Variants in MYNN observed in about 807,000 individuals in gnomAD.
MYNN encodes the protein myoneurin, also known as zinc finger and BTB domain-containing protein 31.
MYNN carries 22 observed loss-of-function variants against 57.2 expected under a neutral mutation model. The ratio of observed to expected loss-of-function variants is 0.38; its 90% CI spans 0.27 to 0.55. MYNN has a LOEUF of 0.55. MYNN is among the 20% of genes least tolerant of loss of function. The pLI is 0.71. For missense variants in MYNN, 566 were observed against 723.1 expected (o/e 0.78, Z 2.49); for synonymous variants, 241 against 257.1 (o/e 0.94, Z 0.60).
intron 1 of MYNN, chr3:169,773,973 T>G (rs1344503138): frequency 1.7e-5 from 5 of 302,462 alleles, no homozygotes; most frequent in Non-Finnish European, 6.2e-6. Flanking sequence ...CTACTGAGCT[T>G]GAAAATCTGA....
chr3:169,785,074 G>T (rs1015874319), intron 7 of MYNN, among the ~76,000 whole-genome samples: 1 of 147,348 alleles, frequency 6.8e-6, no homozygotes, highest in Non-Finnish European at 1.5e-5. Context: ...AAAAAAAGGG[G>T]GGGGGGGTGG....
intron 4 of MYNN, among the ~76,000 whole-genome samples, chr3:169,781,178 T>A (rs1225866796): frequency 6.6e-6 from 1 of 152,142 alleles, no homozygotes; most frequent in Non-Finnish European, 1.5e-5. Flanking sequence ...GCAAACAGAT[T>A]GTATGTGAAG....
At chr3:169,774,156 G>A in intron 1 of MYNN, 109 bp from the exon 2 acceptor site, 1 of 791,160 alleles carries the variant, frequency 1.3e-6, no homozygotes, top group Non-Finnish European at 2.0e-6. Context: ...GTTTGATAAG[G>A]ATTTTCAAGG....
chr3:169,774,264 G>T lies in MYNN; in HGVS notation c.-31-1G>T. The T allele has an allele frequency of 6.2e-7, 1 of 1,603,594 alleles. No homozygotes were observed. The highest frequency in any genetic ancestry group is 2.2e-5 in the East Asian group (1 of 44,694). On this transcript the variant is annotated splice_acceptor_variant, in intron 1 of 7. Coordinates refer to ENST00000349841, the MANE Select transcript of MYNN (RefSeq NM_018657.5). LOFTEE classifies it low-confidence loss of function (5UTR_SPLICE). ...ATTTACTGTTTCTTTTTGTCTTTTA[G>T]ATCAAGGGTAAAATTCCATTCTGAT...
At position 169,778,707 on chromosome 3, in the gene MYNN, G is replaced by A. The variant is rs183628043; in HGVS notation, c.267-61G>A. On this transcript the variant is annotated intron_variant, in intron 2 of 7. Transcript: ENST00000349841. The stretch of plus-strand genomic sequence containing the variant: ...TAAAATACATTGAAGTATATATGCA[G>A]CTCTGTTTCGAAAGTTTTTCTTTGA... 3.0e-6 allele frequency: 4 copies of A among 1,347,166 alleles called. No individual in the cohort carries two copies. The Admixed American group carries it at 9.0e-5, about 30-fold the overall frequency. The allele number at this position is 1,347,166 out of a possible 1,614,324, so 83.5% of individuals were successfully genotyped here.
rs558760058 is a variant in MYNN at position 169,789,160 on chromosome 3, T to A, written c.*2482T>A. On this transcript the variant is annotated 3_prime_UTR_variant, in exon 8 of 8. Coordinates refer to ENST00000349841, the MANE Select transcript of MYNN (RefSeq NM_018657.5). The stretch of plus-strand genomic sequence containing the variant: ...AAAGAAACCGTAGATTATATAAAAA[T>A]TTTTTTGCTGTTTTTAAATGGCATT... 91 of 152,282 alleles carry A rather than the reference T, an allele frequency of 6.0e-4. 1 individual carries two copies. Among genetic ancestry groups the A allele is most frequent in the African/African-American group, 2.1e-3 (86 of 41,570 alleles). 9.4% of individuals were successfully genotyped at this position (152,282 alleles called of 1,614,324 possible).
In MYNN at chr3:169,784,701, C is replaced by T; in HGVS notation, c.1563C>T (p.Val521=). The change falls in exon 7 of 8, where the codon GTC becomes GTT. Residue 521 remains valine, a synonymous_variant. Transcript: ENST00000349841. ...IKNLKKHKTK[V]HSGADKTLDS... is the part of the protein sequence containing the mutation. ...ATTTAAAGAAGCACAAAACAAAAGTCCATTCTGGTAAATGCTTGTGTTTTG... is the reference window on the plus strand; with the variant it reads ...ATTTAAAGAAGCACAAAACAAAAGTTCATTCTGGTAAATGCTTGTGTTTTG... 6.4e-7 allele frequency: 1 copy of T among 1,567,138 alleles called. No homozygotes were observed. The highest frequency in any genetic ancestry group is 8.7e-7 in the Non-Finnish European group (1 of 1,152,190).
intron 6 of MYNN, among the ~76,000 whole-genome samples, chr3:169,784,404 CAA>C (rs1429793169): frequency 6.6e-6 from 1 of 151,848 alleles, no homozygotes; most frequent in African/African-American, 2.4e-5. Context: ...TGAAAATGCT[CAA>C]GTTTTCTTGA....
chr3:169,783,971 TAAAG>T (rs1778598072), intron 6 of MYNN: 1 of 263,258 alleles, frequency 3.8e-6, no homozygotes, highest in East Asian at 1.2e-4. Flanking sequence ...GTAAATTGTA[TAAAG>T]AAAATATTGA....
Position 169,787,492 on chromosome 3 carries a change from T to G in MYNN, c.*814T>G, listed in dbSNP as rs942131562. 5.9e-5 allele frequency: 9 copies of G among 152,124 alleles called. No homozygotes were observed. The highest frequency in any genetic ancestry group is 1.9e-4 in the African/African-American group (8 of 41,446). 9.4% of individuals were successfully genotyped at this position (152,124 alleles called of 1,614,324 possible). On this transcript the variant is annotated 3_prime_UTR_variant, in exon 8 of 8. Transcript: ENST00000349841. ...AATGTACTTGAGTTTTGAAATATTT[T>G]GGTAAGCCTCTCTTACTCCTGTTAT...
chr3:169,788,146 A>T lies in MYNN; in HGVS notation c.*1468A>T, dbSNP rs1393264844. 2.0e-5 allele frequency: 3 copies of T among 152,120 alleles called. No individual in the cohort carries two copies. The highest frequency in any genetic ancestry group is 4.4e-5 in the Non-Finnish European group (3 of 67,978). 9.4% of individuals were successfully genotyped at this position (152,120 alleles called of 1,614,324 possible). A position where few individuals can be genotyped will look rare whatever the true frequency, so the allele number is the denominator to read the frequency against. On this transcript the variant is annotated 3_prime_UTR_variant, in exon 8 of 8. Coordinates refer to ENST00000349841, the MANE Select transcript of MYNN (RefSeq NM_018657.5). ...TTTCTCTATTTGGGACCCAAGTCAT[A>T]AGAACCAATTAGAGGACATAATAAA...
At chr3:169,780,824 G>A in intron 4 of MYNN, 75 bp downstream of exon 4, 2 of 1,200,386 alleles carry the variant, frequency 1.7e-6, no homozygotes, top group Non-Finnish European at 2.3e-6. Flanking sequence ...TATTATATTA[G>A]AATTCAGGAC....
intron 2 of MYNN, among the ~76,000 whole-genome samples, chr3:169,776,694 ATTTTTTTTTTTTTT>A (rs10681957): frequency 6.6e-5 from 7 of 105,630 alleles, no homozygotes; most frequent in Non-Finnish European, 1.3e-4. Context: ...TGTTGAACAA[ATTTTTTTTTTTTTT>A]TTTTTTTTTT....
chr3:169,779,244 A>C lies in MYNN; in HGVS notation c.743A>C (p.Gln248Pro). The C allele has an allele frequency of 6.2e-7, 1 of 1,614,196 alleles. No homozygotes were observed. Among genetic ancestry groups the C allele is most frequent in the Non-Finnish European group, 8.5e-7 (1 of 1,180,042 alleles). Reference sequence around the variant, plus strand: ...GTTGTGGAAAATACTTTTCCAGCACAAGATATTGTGCACACTGTTACAGTG... The same window carrying C: ...GTTGTGGAAAATACTTTTCCAGCACCAGATATTGTGCACACTGTTACAGTG... The part of the protein sequence containing the change: ...TSVVENTFPA[Q>P]DIVHTVTVKR... Residue 248 changes from glutamine (Q) to proline (P), a missense_variant, in exon 3 of 8, where the codon CAA (glutamine) becomes CCA (proline). Physicochemically the swap from Gln to Pro is moderately conservative, Grantham distance 76. Coordinates refer to ENST00000349841, the MANE Select transcript of MYNN (RefSeq NM_018657.5).
chr3:169,780,838 A>G (rs1778489150), intron 4 of MYNN, 89 bp downstream of exon 4: 1 of 1,106,970 alleles, frequency 9.0e-7, no homozygotes, highest in Admixed American at 3.3e-5. Flanking sequence ...TCAGGACAGT[A>G]GAATTGTAAT....
rs200643422 is a variant in MYNN at position 169,779,368 on chromosome 3, C to T, written c.867C>T (p.Ser289=). The part of the protein sequence containing the change: ...SVKSPYEAEN[S]GEELDQRYSK... Reference sequence around the variant, plus strand: ...AGAGTCCTTATGAGGCGGAGAACTCCGGGGAAGAGCTGGATCAGAGGTATT... The same window carrying T: ...AGAGTCCTTATGAGGCGGAGAACTCTGGGGAAGAGCTGGATCAGAGGTATT... Residue 289 remains serine (S), a synonymous_variant, in exon 3 of 8, where the codon TCC becomes TCT. Transcript: ENST00000349841. 3.3e-5 allele frequency: 54 copies of T among 1,614,158 alleles called. No homozygotes were observed. Among genetic ancestry groups the T allele is most frequent in the East Asian group, 3.1e-4 (14 of 44,890 alleles).
rs1327510923 is a variant in MYNN at position 169,788,271 on chromosome 3, T to C, written c.*1593T>C. 2.0e-5 allele frequency: 3 copies of C among 152,154 alleles called. No individual in the cohort carries two copies. Among genetic ancestry groups the C allele is most frequent in the Non-Finnish European group, 4.4e-5 (3 of 67,986 alleles). 9.4% of individuals were successfully genotyped at this position (152,154 alleles called of 1,614,324 possible). On this transcript the variant is annotated 3_prime_UTR_variant, in exon 8 of 8. Transcript: ENST00000349841. ...ACTGGTGGGACATGGGACTGACTTA[T>C]TTGAATAGAGTTTGAAATACCACCT...
intron 4 of MYNN, among the ~76,000 whole-genome samples, chr3:169,781,878 C>CA (rs1778528130): frequency 1.3e-5 from 2 of 151,454 alleles, no homozygotes. Flanking sequence ...AATGGAGGAG[C>CA]AAGTAAGGTC....
chr3:169,780,852 G>C lies in MYNN; in HGVS notation c.1220+103G>C. 4 of 1,014,036 alleles carry C rather than the reference G, an allele frequency of 3.9e-6. No homozygotes were observed. In the South Asian group the frequency reaches 8.3e-5, roughly 21 times the overall value. The allele number at this position is 1,014,036 out of a possible 1,614,324, so 62.8% of individuals were successfully genotyped here. A position where few individuals can be genotyped will look rare whatever the true frequency, so the allele number is the denominator to read the frequency against. ...TTCAGGACAGTAGAATTGTAATTGT[G>C]GTTCCACCAAACAATGTTAACACGT... On this transcript the variant is annotated intron_variant, in intron 4 of 7. Transcript: ENST00000349841.
Sources: allele counts gnomAD v4.1 joint callset (sites outside exome capture counted in the v4.1 genomes callset), GRCh38; gene constraint gnomAD v4.1.1; transcripts MANE v1.5; gene names NCBI Gene and HGNC (gene_info 2026-07-23, HGNC 2026-07-21).